ELAPOR1: variants seen among roughly 807,000 people sequenced by gnomAD.
The protein encoded by ELAPOR1 is endosome-lysosome associated apoptosis and autophagy regulator 1.
A neutral mutation model predicts 119.7 loss-of-function variants in ELAPOR1; 77 were observed. The observed-to-expected ratio is 0.64, with a 90% CI of 0.54 to 0.78. The LOEUF is 0.78. ELAPOR1 is among the 30% of genes least tolerant of loss of function. The pLI is 0.00. For synonymous variants in ELAPOR1, 481 were observed against 487.2 expected (o/e 0.99, Z 0.17); for missense variants, 1,115 against 1,270.4 (o/e 0.88, Z 1.86).
At chr1:109,149,467 G>A (rs1255751020) in intron 1 of ELAPOR1, among the ~76,000 whole-genome samples, 3 of 152,126 alleles carry the variant, frequency 2.0e-5, no homozygotes, top group African/African-American at 7.2e-5. Context: ...GAGATTGAAT[G>A]ACTGTCCCCG....
In ELAPOR1 at chr1:109,199,974, GA is replaced by G; in HGVS notation, c.2623del (p.Ile875SerfsTer31). 1 of 1,614,150 alleles carries G rather than the reference GA, an allele frequency of 6.2e-7. No homozygotes were observed. The highest frequency in any genetic ancestry group is 1.1e-5 in the South Asian group (1 of 91,086). On this transcript the variant is annotated frameshift_variant, in exon 19 of 22. Transcript: ENST00000369939. LOFTEE classifies it high-confidence loss of function. ...HAIVSSCVAG[I>X]QKTTYVWREP... ...CTATCGTCAGCAGCTGTGTGGCTGG[GA>G]TCCAGGTGGGTTTCCCTCTGATCGG...
At chr1:109,140,863 T>C (rs35942492) in intron 1 of ELAPOR1, among the ~76,000 whole-genome samples, 16,357 of 152,202 alleles carry the variant, frequency 0.11, 1,284 homozygotes, top group African/African-American at 0.22. Flanking sequence ...TTTATTTATT[T>C]TTTTCTGAGA....
At chr1:109,175,183 A>AATTCTT (rs1652192723) in intron 7 of ELAPOR1, among the ~76,000 whole-genome samples, 1 of 151,490 alleles carries the variant, frequency 6.6e-6, no homozygotes, top group South Asian at 2.1e-4. Flanking sequence ...TTAAGTGGTG[A>AATTCTT]ATTTTTATTT....
intron 7 of ELAPOR1, among the ~76,000 whole-genome samples, 174 bp downstream of exon 7, chr1:109,174,011 T>C (rs1490139327): frequency 1.7e-5 from 2 of 119,782 alleles, no homozygotes; most frequent in Non-Finnish European, 3.4e-5. Flanking sequence ...TTAATCACTT[T>C]GTCATTTTTT....
rs760862015 is a variant in ELAPOR1 at position 109,197,582 on chromosome 1, A to G, written c.2230A>G (p.Ile744Val). Residue 744 changes from isoleucine to valine, a missense_variant, in exon 16 of 22, where the codon ATC (isoleucine) becomes GTC (valine). Transcript: ENST00000369939. ...ITAYVCQAVI[I>V]PPEVTGYKAG... ...AGCCTACGTCTGCCAGGCAGTCATC[A>G]TCCCCCCAGAGGTGACAGGCTACAA... 3 of 1,614,020 alleles carry G rather than the reference A, an allele frequency of 1.9e-6. No homozygotes were observed. The highest frequency in any genetic ancestry group is 1.3e-5 in the African/African-American group (1 of 74,908).
chr1:109,172,034 G>A (rs1331072292), intron 4 of ELAPOR1, 21 bp downstream of exon 4: 17 of 1,613,942 alleles, frequency 1.1e-5, no homozygotes, highest in African/African-American at 1.3e-5. Flanking sequence ...GGCCAAGGTG[G>A]AGGGTGGGAG....
intron 12 of ELAPOR1, 116 bp downstream of exon 12, chr1:109,191,587 A>G: frequency 1.4e-6 from 2 of 1,394,152 alleles, no homozygotes; most frequent in Admixed American, 1.8e-5. Flanking sequence ...CACAGAGGAA[A>G]GGCCCAGACT....
intron 13 of ELAPOR1, 35 bp from the exon 14 acceptor site, chr1:109,192,576 C>T: frequency 1.2e-6 from 2 of 1,605,204 alleles, no homozygotes; most frequent in South Asian, 2.2e-5. Flanking sequence ...TGTCTCAGGC[C>T]TCTCCCCTCT....
chr1:109,179,213 C>T (rs1023224777), intron 7 of ELAPOR1, among the ~76,000 whole-genome samples: 2 of 151,560 alleles, frequency 1.3e-5, no homozygotes, highest in African/African-American at 2.4e-5. Flanking sequence ...CCAGCCTGGG[C>T]AACATGGTGA....
chr1:109,125,685 AG>A (rs1558016647), intron 1 of ELAPOR1, among the ~76,000 whole-genome samples: 2 of 152,174 alleles, frequency 1.3e-5, no homozygotes. Flanking sequence ...CGCCCGGCCA[AG>A]CAGTCTGTTT....
At position 109,199,863 on chromosome 1, in the gene ELAPOR1, G is replaced by T. The variant is rs913179; in HGVS notation, c.2511G>T (p.Ser837=). 1 of 1,612,102 alleles carries T rather than the reference G, an allele frequency of 6.2e-7. No homozygotes were observed. Among genetic ancestry groups the T allele is most frequent in the Non-Finnish European group, 8.5e-7 (1 of 1,179,956 alleles). Residue 837 remains serine, a synonymous_variant, in exon 19 of 22, where the codon TCG becomes TCT. Coordinates refer to ENST00000369939, the MANE Select transcript of ELAPOR1 (RefSeq NM_020775.5). The part of the protein sequence containing the change: ...PGSLLLPGTC[S]DGTCDGCNFH... ...TTTTCTGCTTTGCTAGAACGTGCTC[G>T]GATGGGACCTGTGATGGCTGCAACT... is the stretch of plus-strand genomic sequence containing the variant.
chr1:109,122,908 G>A (rs967947664), intron 1 of ELAPOR1, among the ~76,000 whole-genome samples: 2 of 152,234 alleles, frequency 1.3e-5, no homozygotes, highest in African/African-American at 2.4e-5. Context: ...AGTGAGCCAT[G>A]ATGGCACCAG....
intron 1 of ELAPOR1, among the ~76,000 whole-genome samples, chr1:109,144,126 C>T (rs1323170417): frequency 7.3e-6 from 1 of 136,074 alleles, no homozygotes; most frequent in Non-Finnish European, 1.5e-5. Context: ...ATAGCACGAT[C>T]TTGGCTCACC....
At chr1:109,191,313 T>G in intron 11 of ELAPOR1, 53 bp from the exon 12 acceptor site, 1 of 1,296,702 alleles carries the variant, frequency 7.7e-7, no homozygotes, top group South Asian at 1.2e-5. Context: ...TCTGGGCTCT[T>G]CAATAAGCAC....
Position 109,173,875 on chromosome 1 carries a change from G to C in ELAPOR1, c.952+38G>C, listed in dbSNP as rs61797054. The C allele has an allele frequency of 5.6e-6, 9 of 1,606,666 alleles. No homozygotes were observed. In the Admixed American group the frequency reaches 1.3e-4, roughly 24 times the overall value. On this transcript the variant is annotated intron_variant, in intron 7 of 21. Coordinates refer to ENST00000369939, the MANE Select transcript of ELAPOR1 (RefSeq NM_020775.5). ...AGGGTGGGAAGAGTTTGGGGATAGA[G>C]AGTACCACCAAAACACACAAGGAGA... is the stretch of plus-strand genomic sequence containing the variant.
chr1:109,173,192 TG>T (rs2101061375), intron 5 of ELAPOR1, among the ~76,000 whole-genome samples: 1 of 151,724 alleles, frequency 6.6e-6, no homozygotes, highest in East Asian at 1.9e-4. Flanking sequence ...CCAGTCACCC[TG>T]TTGTCAGGAC....
intron 16 of ELAPOR1, 123 bp from the exon 17 acceptor site, chr1:109,197,856 C>A (rs1653925019): frequency 9.8e-7 from 1 of 1,025,072 alleles, no homozygotes; most frequent in Non-Finnish European, 1.5e-6. Context: ...TTCACCCTTT[C>A]ATAAGCCACT....
At chr1:109,202,445 AT>A (rs76580715) in intron 21 of ELAPOR1, among the ~76,000 whole-genome samples, 41 of 145,532 alleles carry the variant, frequency 2.8e-4, no homozygotes, top group South Asian at 1.1e-3. Flanking sequence ...AAAGAAAAAA[AT>A]TTTTTTTTTT....
intron 7 of ELAPOR1, among the ~76,000 whole-genome samples, chr1:109,176,125 C>T (rs1240788048): frequency 6.6e-6 from 1 of 152,054 alleles, no homozygotes; most frequent in African/African-American, 2.4e-5. Flanking sequence ...CAGGAAGCAG[C>T]CTGTTTTTAT....
Sources: allele counts gnomAD v4.1 joint callset (sites outside exome capture counted in the v4.1 genomes callset), GRCh38; gene constraint gnomAD v4.1.1; transcripts MANE v1.5; gene names NCBI Gene and HGNC (gene_info 2026-07-23, HGNC 2026-07-21).